The following CCDC126 variants were observed in gnomAD, a reference collection of about 807,000 sequenced individuals.
CCDC126 encodes the protein coiled-coil domain containing 126.
CCDC126 carries 5 observed loss-of-function variants against 11.7 expected under a neutral mutation model. The observed-to-expected ratio is 0.43, with a 90% CI of 0.22 to 0.90. The LOEUF is 0.90. CCDC126 is among the 40% of genes least tolerant of loss of function. The pLI is 0.27. For missense variants in CCDC126, 150 were observed against 163.1 expected (o/e 0.92, Z 0.44); for synonymous variants, 60 against 61.9 (o/e 0.97, Z 0.14).
At chr7:23,642,827 C>G in intron 3 of CCDC126, 104 bp from the exon 4 acceptor site, 2 of 894,926 alleles carry the variant, frequency 2.2e-6, no homozygotes. Context: ...AGTACATTTT[C>G]CCTCAGATGA....
intron 3 of CCDC126, among the ~76,000 whole-genome samples, chr7:23,631,287 A>C (rs1783107773): frequency 6.6e-6 from 1 of 152,194 alleles, no homozygotes; most frequent in African/African-American, 2.4e-5. Flanking sequence ...GACATAAATT[A>C]CCAACATCAG....
intron 3 of CCDC126, among the ~76,000 whole-genome samples, chr7:23,614,006 G>A (rs1782757522): frequency 6.6e-6 from 1 of 152,208 alleles, no homozygotes; most frequent in Non-Finnish European, 1.5e-5. Flanking sequence ...TTGCCTTGAT[G>A]TCAAAGGTTA....
intron 2 of CCDC126, among the ~76,000 whole-genome samples, chr7:23,609,321 T>G (rs1349452056): frequency 6.6e-6 from 1 of 151,958 alleles, no homozygotes; most frequent in African/African-American, 2.4e-5. Flanking sequence ...GTAGCTGGGA[T>G]TACAAGCATG....
intron 3 of CCDC126, chr7:23,622,360 A>G: frequency 3.8e-6 from 1 of 264,560 alleles, no homozygotes; most frequent in Non-Finnish European, 7.4e-6. Context: ...TTTCTAGTTT[A>G]TTTGTGTAGA....
intron 3 of CCDC126, among the ~76,000 whole-genome samples, chr7:23,629,354 A>G (rs1783067226): frequency 6.6e-6 from 1 of 152,204 alleles, no homozygotes; most frequent in Admixed American, 6.5e-5. Flanking sequence ...TCTGTGAGGA[A>G]CAGGCTCTCA....
intron 3 of CCDC126, among the ~76,000 whole-genome samples, chr7:23,637,500 C>A (rs1398400249): frequency 1.3e-5 from 1 of 76,230 alleles, no homozygotes; most frequent in African/African-American, 5.2e-5. Context: ...GCCCCCCGCC[C>A]GGCCAGCCGC....
chr7:23,626,315 A>C (rs1783015179), intron 3 of CCDC126, among the ~76,000 whole-genome samples: 1 of 152,196 alleles, frequency 6.6e-6, no homozygotes, highest in South Asian at 2.1e-4. Flanking sequence ...AATTATAATA[A>C]GATTAGAATT....
intron 3 of CCDC126, among the ~76,000 whole-genome samples, chr7:23,641,145 C>T (rs1021770914): frequency 6.6e-6 from 1 of 152,058 alleles, no homozygotes; most frequent in Non-Finnish European, 1.5e-5. Flanking sequence ...ATGAGGGTTT[C>T]AGTTTCTCTG....
intron 2 of CCDC126, among the ~76,000 whole-genome samples, chr7:23,600,238 G>A (rs546248543): frequency 2.0e-5 from 3 of 152,060 alleles, no homozygotes; most frequent in African/African-American, 7.2e-5. Flanking sequence ...TCCCAAATGT[G>A]CCATCTAAAA....
At chr7:23,619,577 T>TA (rs1172689193) in intron 3 of CCDC126, 11 of 222,090 alleles carry the variant, frequency 5.0e-5, no homozygotes, top group South Asian at 1.4e-4. Flanking sequence ...TTCTTTTTTT[T>TA]AAGAAAAATA....
intron 3 of CCDC126, among the ~76,000 whole-genome samples, chr7:23,621,996 A>G (rs1174052412): frequency 6.6e-6 from 1 of 152,150 alleles, no homozygotes; most frequent in Admixed American, 6.5e-5. Context: ...TGTTTTACTG[A>G]GGATTTTTGC....
intron 3 of CCDC126, among the ~76,000 whole-genome samples, chr7:23,614,265 A>G (rs1444897748): frequency 2.0e-5 from 3 of 152,350 alleles, no homozygotes; most frequent in East Asian, 3.9e-4. Flanking sequence ...TCATTTCAAC[A>G]GTGTCCACAA....
chr7:23,600,383 C>A (rs970232957), intron 2 of CCDC126, among the ~76,000 whole-genome samples: 4 of 144,646 alleles, frequency 2.8e-5, no homozygotes, highest in Non-Finnish European at 4.6e-5. Context: ...AACCCCCCCC[C>A]CCCCACCACC....
intron 3 of CCDC126, among the ~76,000 whole-genome samples, chr7:23,625,981 T>G (rs1783008631): frequency 6.6e-6 from 1 of 151,670 alleles, no homozygotes; most frequent in Non-Finnish European, 1.5e-5. Context: ...ATAAAGATGC[T>G]AATGCTGTCA....
Position 23,644,497 on chromosome 7 carries a change from AAAAT to A in CCDC126, c.*1388_*1391del, listed in dbSNP as rs1783424608. 6.6e-6 allele frequency: 1 copy of A among 152,518 alleles called. No homozygotes were observed. 9.4% of individuals were successfully genotyped at this position (152,518 alleles called of 1,614,324 possible). A position where few individuals can be genotyped will look rare whatever the true frequency, so the allele number is the denominator to read the frequency against. Reference sequence around the variant, plus strand: ...GTAGCAATAATTACAATATTTTATTAAAATAAATATGTGAAATATTGTTTCATGA... The same window carrying A: ...GTAGCAATAATTACAATATTTTATTAAAATATGTGAAATATTGTTTCATGA... On this transcript the variant is annotated 3_prime_UTR_variant, in exon 4 of 4. Coordinates refer to ENST00000307471, the MANE Select transcript of CCDC126 (RefSeq NM_138771.4).
In CCDC126 at chr7:23,630,294, T is replaced by C. The variant is rs138865770; in HGVS notation, c.239-12637T>C. 2.9e-3 allele frequency among the ~76,000 whole-genome samples: 359 copies of C among 123,692 alleles called. 2 individuals are homozygous for C. Among genetic ancestry groups the C allele is most frequent in the African/African-American group, 0.01 (333 of 32,274 alleles). The allele number at this position is 123,692 out of a possible 152,430, so 81.1% of individuals were successfully genotyped here. A position where few individuals can be genotyped will look rare whatever the true frequency, so the allele number is the denominator to read the frequency against. ...CAGGCAGATCATTTGAGGTCAGGAG[T>C]TCAAGACCAGCCTGGCCAAAAAGGT... On this transcript the variant is annotated intron_variant, in intron 3 of 3. Transcript: ENST00000307471.
chr7:23,625,649 ATTTT>A (rs34492140), intron 3 of CCDC126, among the ~76,000 whole-genome samples: 1 of 77,142 alleles, frequency 1.3e-5, no homozygotes, highest in African/African-American at 5.6e-5. Context: ...TATTTGACTG[ATTTT>A]TTTTTTTTTT....
chr7:23,605,990 TTG>T (rs550719957), intron 2 of CCDC126, among the ~76,000 whole-genome samples: 51 of 150,676 alleles, frequency 3.4e-4, no homozygotes, highest in Middle Eastern at 3.4e-3. Flanking sequence ...CTGTTTTTTT[TTG>T]TGTGTGTGTG....
chr7:23,610,007 G>GT (rs1261412648), intron 2 of CCDC126, among the ~76,000 whole-genome samples: 2 of 151,978 alleles, frequency 1.3e-5, no homozygotes, highest in Non-Finnish European at 2.9e-5. Flanking sequence ...TAGTCAAAGA[G>GT]TTTTTTTTAC....
Sources: gnomAD v4.1 joint callset for allele counts (sites outside exome capture counted in the v4.1 genomes callset) on GRCh38, gnomAD v4.1.1 for gene constraint, MANE v1.5 for transcripts, NCBI Gene and HGNC (gene_info 2026-07-23, HGNC 2026-07-21) for gene names.